The following KAZN variants were observed in gnomAD, a reference collection of about 807,000 sequenced individuals.
The protein encoded by KAZN is kazrin, periplakin interacting protein.
Under a neutral mutation model 87.4 loss-of-function variants are expected in KAZN, and 40 were observed. The ratio of observed to expected loss-of-function variants is 0.46; its 90% confidence interval spans 0.36 to 0.60. The LOEUF (loss-of-function observed/expected upper bound fraction) is 0.60. Among genes scored for constraint, KAZN ranks in the 20% least tolerant of loss-of-function variants. KAZN has a pLI of 0.00. For missense variants in KAZN, 898 were observed against 1,073.9 expected, an observed-to-expected ratio of 0.84 and a Z score of 2.29; for synonymous variants, 466 against 458.3, an observed-to-expected ratio of 1.02 and a Z score of -0.22.
chr1:14,921,074 G>T (rs1190232231), intron 1 of KAZN, among the ~76,000 whole-genome samples: 2 of 151,988 alleles, frequency 1.3e-5, no homozygotes, highest in Non-Finnish European at 2.9e-5. Context: ...AGTAAGGGGG[G>T]CATGGGCAGC....
intron 1 of KAZN, among the ~76,000 whole-genome samples, chr1:14,091,109 CAAAAAAAAAA>C (rs779056126): frequency 3.9e-5 from 2 of 51,906 alleles, no homozygotes; most frequent in Non-Finnish European, 8.2e-5. Flanking sequence ...GAGACTCTGT[CAAAAAAAAAA>C]AAAAAAAAAA....
chr1:14,205,589 A>G (rs1304962119), intron 2 of KAZN, among the ~76,000 whole-genome samples: 1 of 152,152 alleles, frequency 6.6e-6, no homozygotes, highest in Non-Finnish European at 1.5e-5. Context: ...GTTGGTGAAC[A>G]CATACATCAA....
At chr1:14,707,991 A>T (rs1307669232) in intron 1 of KAZN, among the ~76,000 whole-genome samples, 1 of 127,330 alleles carries the variant, frequency 7.9e-6, no homozygotes, top group Non-Finnish European at 1.7e-5. Context: ...ATTAAACCAG[A>T]ACGGTAAGAA....
chr1:14,730,304 G>T (rs910902717), intron 1 of KAZN, among the ~76,000 whole-genome samples: 1 of 152,088 alleles, frequency 6.6e-6, no homozygotes, highest in Non-Finnish European at 1.5e-5. Flanking sequence ...GGCTGGTCTC[G>T]AACTCCTGAC....
intron 1 of KAZN, among the ~76,000 whole-genome samples, chr1:13,907,128 T>C (rs1639468383): frequency 1.3e-5 from 2 of 152,208 alleles, no homozygotes; most frequent in Admixed American, 1.3e-4. Context: ...TTAATGTGAA[T>C]GGCTAAAACC....
chr1:14,741,943 T>TG (rs1388660009), intron 1 of KAZN, among the ~76,000 whole-genome samples: 1 of 146,082 alleles, frequency 6.8e-6, no homozygotes, highest in African/African-American at 2.7e-5. Flanking sequence ...CTTGTGGTTG[T>TG]TTTTTTTTGG....
intron 2 of KAZN, among the ~76,000 whole-genome samples, chr1:14,480,186 G>A (rs1157176780): frequency 1.3e-5 from 2 of 152,228 alleles, no homozygotes; most frequent in African/African-American, 4.8e-5. Flanking sequence ...GTGCCCGCAG[G>A]CAGGCACCTG....
intron 1 of KAZN, among the ~76,000 whole-genome samples, chr1:14,950,328 G>A (rs1662332289): frequency 6.6e-6 from 1 of 151,992 alleles, no homozygotes; most frequent in African/African-American, 2.4e-5. Flanking sequence ...CTGAGGGAGG[G>A]ATGGGAGGGT....
intron 2 of KAZN, among the ~76,000 whole-genome samples, chr1:14,284,468 C>T (rs576444728): frequency 6.6e-5 from 10 of 152,056 alleles, no homozygotes; most frequent in African/African-American, 1.4e-4. Context: ...AAAGGCAACT[C>T]GTGGGGCTGA....
intron 2 of KAZN, among the ~76,000 whole-genome samples, chr1:14,550,587 C>T (rs1166961786): frequency 2.0e-5 from 3 of 151,974 alleles, no homozygotes; most frequent in African/African-American, 7.3e-5. Context: ...ATTTACTCTT[C>T]CTGCTCAAAG....
intron 1 of KAZN, among the ~76,000 whole-genome samples, chr1:13,958,224 G>A (rs564548492): frequency 3.9e-5 from 6 of 152,262 alleles, no homozygotes; most frequent in African/African-American, 1.4e-4. Context: ...ATATTCAATT[G>A]CTAATTTTTA....
intron 1 of KAZN, among the ~76,000 whole-genome samples, chr1:14,077,341 G>A (rs1643502912): frequency 6.6e-6 from 1 of 152,184 alleles, no homozygotes; most frequent in Non-Finnish European, 1.5e-5. Context: ...CCCATGGTAA[G>A]TAATGAAAAG....
intron 1 of KAZN, among the ~76,000 whole-genome samples, chr1:14,070,994 A>G (rs541446587): frequency 6.6e-6 from 1 of 152,228 alleles, no homozygotes; most frequent in East Asian, 1.9e-4. Context: ...TCCAAACCTG[A>G]GTCTCCCTGA....
At chr1:14,263,213 C>A (rs1377933918) in intron 2 of KAZN, among the ~76,000 whole-genome samples, 1 of 152,172 alleles carries the variant, frequency 6.6e-6, no homozygotes, top group Non-Finnish European at 1.5e-5. Context: ...AGACCATAAA[C>A]CACAAACCCC....
chr1:14,704,856 GA>G (rs1414180280), intron 1 of KAZN, among the ~76,000 whole-genome samples: 1 of 152,154 alleles, frequency 6.6e-6, no homozygotes, highest in African/African-American at 2.4e-5. Flanking sequence ...TGTGGTCAGG[GA>G]CTGCTGGCTA....
intron 13 of KAZN, among the ~76,000 whole-genome samples, chr1:15,109,167 T>C (rs1641399137): frequency 6.6e-6 from 1 of 152,164 alleles, no homozygotes; most frequent in Admixed American, 6.5e-5. Context: ...GGTAGATCAC[T>C]TGAGCCCAGG....
At chr1:13,913,387 A>G (rs1639722799) in intron 1 of KAZN, among the ~76,000 whole-genome samples, 1 of 151,988 alleles carries the variant, frequency 6.6e-6, no homozygotes, top group African/African-American at 2.4e-5. Context: ...TGGATTTGGT[A>G]TTTTGGGGTA....
chr1:14,082,971 G>A (rs1159628075), intron 1 of KAZN, among the ~76,000 whole-genome samples: 2 of 152,208 alleles, frequency 1.3e-5, no homozygotes, highest in Admixed American at 6.5e-5. Context: ...CGAGGCGGGT[G>A]GATCATGAGG....
chr1:14,461,374 C>T (rs982663391), intron 2 of KAZN, among the ~76,000 whole-genome samples: 4 of 152,226 alleles, frequency 2.6e-5, no homozygotes, highest in East Asian at 1.9e-4. Context: ...ATAAGTCTCA[C>T]GAGATCTGAT....
Sources: gnomAD v4.1 joint callset for allele counts (sites outside exome capture counted in the v4.1 genomes callset) on GRCh38, gnomAD v4.1.1 for gene constraint, MANE v1.5 for transcripts, NCBI Gene and HGNC (gene_info 2026-07-23, HGNC 2026-07-21) for gene names.